The following ASRGL1 variants were observed in gnomAD, a reference collection of about 807,000 sequenced individuals.
ASRGL1 encodes the protein isoaspartyl peptidase/L-asparaginase.
Under a neutral mutation model 22.4 loss-of-function variants are expected in ASRGL1, and 16 were observed. The observed-to-expected ratio is 0.71, with a 90% CI of 0.48 to 1.08. ASRGL1 has a LOEUF of 1.08. Among genes scored for constraint, ASRGL1 ranks in the 50% least tolerant of loss-of-function variants. The pLI, the probability that ASRGL1 is intolerant of heterozygous loss-of-function variation, is 0.00. For synonymous variants in ASRGL1, 165 were observed against 159.3 expected, an observed-to-expected ratio of 1.04 and a Z score of -0.27; for missense variants, 412 against 410.1, an observed-to-expected ratio of 1.00 and a Z score of -0.04.
At chr11:62,352,389 C>G (rs1946188386) in intron 2 of ASRGL1, among the ~76,000 whole-genome samples, 1 of 152,092 alleles carries the variant, frequency 6.6e-6, no homozygotes, top group Non-Finnish European at 1.5e-5. Context: ...AGTTTGAGAC[C>G]AGCCTGACCA....
chr11:62,367,951 CAAAT>C (rs1015069936), intron 4 of ASRGL1, among the ~76,000 whole-genome samples: 5 of 152,164 alleles, frequency 3.3e-5, no homozygotes, highest in Admixed American at 6.5e-5. Context: ...CAAAAATAAA[CAAAT>C]AAAAATAAAT....
At chr11:62,340,216 G>A (rs946534975) in intron 2 of ASRGL1, among the ~76,000 whole-genome samples, 1 of 152,192 alleles carries the variant, frequency 6.6e-6, no homozygotes, top group Non-Finnish European at 1.5e-5. Flanking sequence ...GCTGCAATGA[G>A]CCAAGACTGC....
chr11:62,369,020 C>G (rs1274319050), intron 4 of ASRGL1, among the ~76,000 whole-genome samples: 1 of 152,140 alleles, frequency 6.6e-6, no homozygotes, highest in Non-Finnish European at 1.5e-5. Flanking sequence ...TAATCCTCCT[C>G]AGCACAGACC....
At chr11:62,391,812 A>G (rs1947346091) in intron 6 of ASRGL1, 180 bp downstream of exon 6, 2 of 794,282 alleles carry the variant, frequency 2.5e-6, no homozygotes, top group Admixed American at 5.7e-5. Flanking sequence ...ATGGTAGAGC[A>G]TTGAGTACTG....
intron 4 of ASRGL1, among the ~76,000 whole-genome samples, chr11:62,380,416 G>C (rs1449318762): frequency 6.6e-6 from 1 of 152,072 alleles, no homozygotes; most frequent in Non-Finnish European, 1.5e-5. Context: ...CCTGGGTCTT[G>C]GATTTTTTTC....
chr11:62,367,528 C>G (rs1388082264), intron 4 of ASRGL1, among the ~76,000 whole-genome samples: 4 of 151,902 alleles, frequency 2.6e-5, no homozygotes, highest in Non-Finnish European at 1.5e-5. Flanking sequence ...CCTGTAATTC[C>G]AGCTACTTGG....
At chr11:62,398,364 T>G (rs948296354), downstream of ASRGL1, among the ~76,000 whole-genome samples, 1 of 151,904 alleles carries the variant, frequency 6.6e-6, no homozygotes, top group Non-Finnish European at 1.5e-5. Flanking sequence ...TCCCCTCACC[T>G]CAGCCTTTCC....
chr11:62,380,088 C>A (rs1947027370), intron 4 of ASRGL1, among the ~76,000 whole-genome samples: 1 of 152,054 alleles, frequency 6.6e-6, no homozygotes, highest in South Asian at 2.1e-4. Flanking sequence ...CCCAAATGTT[C>A]TAACTTGTCC....
At chr11:62,374,256 C>T (rs1274022100) in intron 4 of ASRGL1, among the ~76,000 whole-genome samples, 1 of 152,172 alleles carries the variant, frequency 6.6e-6, no homozygotes, top group African/African-American at 2.4e-5. Flanking sequence ...GCACGGATGC[C>T]GTGACTGCCA....
chr11:62,356,193 G>T (rs991534311), intron 2 of ASRGL1, 132 bp from the exon 3 acceptor site: 1 of 1,059,186 alleles, frequency 9.4e-7, no homozygotes, highest in African/African-American at 1.6e-5. Flanking sequence ...TCCCAGTAGG[G>T]GCAGCCGGGC....
intron 5 of ASRGL1, among the ~76,000 whole-genome samples, chr11:62,390,445 G>A (rs1947311357): frequency 6.6e-6 from 1 of 152,198 alleles, no homozygotes; most frequent in Admixed American, 6.5e-5. Flanking sequence ...CCTGAGAAGT[G>A]CATGTGGCGG....
At chr11:62,356,162 G>C (rs977443293) in intron 2 of ASRGL1, among the ~76,000 whole-genome samples, 163 bp from the exon 3 acceptor site, 30 of 152,116 alleles carry the variant, frequency 2.0e-4, no homozygotes, top group African/African-American at 5.5e-4. Context: ...GGGTGGTGGC[G>C]GGGCAGAGGG....
chr11:62,349,203 G>C (rs950241505), intron 2 of ASRGL1, among the ~76,000 whole-genome samples: 6 of 152,104 alleles, frequency 3.9e-5, no homozygotes, highest in Admixed American at 3.9e-4. Context: ...TCCTGACCTC[G>C]TGATCCTCTC....
chr11:62,356,150 CA>C (rs1466363531), intron 2 of ASRGL1, among the ~76,000 whole-genome samples, 174 bp from the exon 3 acceptor site: 2 of 152,328 alleles, frequency 1.3e-5, no homozygotes, highest in African/African-American at 4.8e-5. Context: ...ACCTCCCAGA[CA>C]GGGTGGTGGC....
chr11:62,391,419 T>C, intron 5 of ASRGL1, 103 bp from the exon 6 acceptor site: 1 of 1,461,880 alleles, frequency 6.8e-7, no homozygotes, highest in African/African-American at 1.4e-5. Flanking sequence ...TTGTCGGTAC[T>C]TGAGCACCCT....
intron 2 of ASRGL1, among the ~76,000 whole-genome samples, chr11:62,346,101 C>T (rs1946013719): frequency 6.6e-6 from 1 of 152,134 alleles, no homozygotes; most frequent in African/African-American, 2.4e-5. Context: ...GGCTCAGTCC[C>T]GTAAGACTGC....
chr11:62,371,338 C>G, intron 4 of ASRGL1: 1 of 1,149,278 alleles, frequency 8.7e-7, no homozygotes, highest in Non-Finnish European at 1.2e-6. Flanking sequence ...CAGGGGCAAG[C>G]GCGCGGCGCA....
downstream of ASRGL1, among the ~76,000 whole-genome samples, chr11:62,394,030 T>C (rs1947397858): frequency 1.4e-5 from 2 of 144,824 alleles, no homozygotes; most frequent in African/African-American, 2.5e-5. Context: ...ATATAAATTA[T>C]ATAATATATA....
intron 4 of ASRGL1, chr11:62,383,209 T>G (rs1168734186): frequency 6.6e-6 from 1 of 152,210 alleles, no homozygotes; most frequent in Non-Finnish European, 1.5e-5. Flanking sequence ...AGAAGGAAGC[T>G]TCTCCAAATT....
Sources: allele counts gnomAD v4.1 joint callset (sites outside exome capture counted in the v4.1 genomes callset), GRCh38; gene constraint gnomAD v4.1.1; transcripts MANE v1.5; gene names NCBI Gene and HGNC (gene_info 2026-07-23, HGNC 2026-07-21).